BMPER: variants seen among roughly 807,000 people sequenced by gnomAD.
BMPER encodes BMP-binding endothelial regulator protein.
In BMPER, 45 loss-of-function variants were observed where a neutral mutation model predicts 87.3. The ratio of observed to expected loss-of-function variants is 0.52; its 90% CI spans 0.41 to 0.66. The LOEUF (loss-of-function observed/expected upper bound fraction) is 0.66, where lower values mean the gene tolerates loss of function less well. Among genes scored for constraint, BMPER ranks in the 30% least tolerant of loss-of-function variants. The pLI, the probability that BMPER is intolerant of heterozygous loss-of-function variation, is 0.00. For missense variants in BMPER, 784 were observed against 867.5 expected (o/e 0.90, Z 1.21); for synonymous variants, 326 against 316.2 (o/e 1.03, Z -0.33).
chr7:34,153,283 C>T lies in BMPER; in HGVS notation c.*10C>T, dbSNP rs370100096. ...TTGTCCCCAGCGGTGACCTTTGTTT[C>T]GATCCTTAAGACTCTGAAATCTGGT... On this transcript the variant is annotated 3_prime_UTR_variant, in exon 15 of 15. Coordinates refer to ENST00000649409, the MANE Select transcript of BMPER (RefSeq NM_001365308.1). 2.6e-4 allele frequency: 420 copies of T among 1,613,574 alleles called. No homozygotes were observed. The highest frequency in any genetic ancestry group is 3.2e-4 in the Non-Finnish European group (379 of 1,179,880).
At chr7:34,011,583 CAAAAAAAA>C (rs36022297) in intron 6 of BMPER, among the ~76,000 whole-genome samples, 9 of 45,758 alleles carry the variant, frequency 2.0e-4, no homozygotes, top group African/African-American at 5.3e-4. Context: ...TTGGTCAGGG[CAAAAAAAA>C]AAAAAAAAAA....
intron 14 of BMPER, among the ~76,000 whole-genome samples, chr7:34,147,040 C>A (rs1297628311): frequency 6.6e-6 from 1 of 152,192 alleles, no homozygotes; most frequent in African/African-American, 2.4e-5. Context: ...TGTCACTGCA[C>A]ATTCAGTCAT....
At chr7:33,989,711 A>G (rs1786144946) in intron 6 of BMPER, among the ~76,000 whole-genome samples, 1 of 152,138 alleles carries the variant, frequency 6.6e-6, no homozygotes, top group Non-Finnish European at 1.5e-5. Flanking sequence ...CCTGAATGGT[A>G]ATGCCTAGGT....
At chr7:34,116,777 G>A (rs1301603617) in intron 13 of BMPER, among the ~76,000 whole-genome samples, 2 of 152,094 alleles carry the variant, frequency 1.3e-5, no homozygotes. Flanking sequence ...ATCACCTGAG[G>A]TCAGGAGTTT....
At chr7:33,998,494 G>C (rs571114516) in intron 6 of BMPER, among the ~76,000 whole-genome samples, 1 of 152,242 alleles carries the variant, frequency 6.6e-6, no homozygotes, top group South Asian at 2.1e-4. Flanking sequence ...TTCCTTCTTT[G>C]GAAGGGAATA....
chr7:34,019,351 G>A (rs1381857776), intron 6 of BMPER, among the ~76,000 whole-genome samples: 1 of 152,030 alleles, frequency 6.6e-6, no homozygotes, highest in African/African-American at 2.4e-5. Context: ...AGAGGGCCAA[G>A]ATCAAGGGCT....
chr7:33,919,198 G>C (rs898069274), intron 2 of BMPER, among the ~76,000 whole-genome samples: 1 of 152,156 alleles, frequency 6.6e-6, no homozygotes, highest in African/African-American at 2.4e-5. Context: ...CTAGATTTTG[G>C]AGTTATGAAA....
chr7:34,037,046 T>C (rs529037166), intron 6 of BMPER, among the ~76,000 whole-genome samples: 1 of 152,040 alleles, frequency 6.6e-6, no homozygotes, highest in African/African-American at 2.4e-5. Context: ...CCTTTTCAAA[T>C]GGAGTTTAGT....
chr7:33,975,950 G>T (rs1039314350), intron 6 of BMPER, among the ~76,000 whole-genome samples: 24 of 152,066 alleles, frequency 1.6e-4, no homozygotes, highest in African/African-American at 5.5e-4. Flanking sequence ...AAAAAAGGAA[G>T]GGAGGGAGGA....
intron 12 of BMPER, among the ~76,000 whole-genome samples, chr7:34,082,487 C>T (rs2127975666): frequency 6.6e-6 from 1 of 152,104 alleles, no homozygotes; most frequent in African/African-American, 2.4e-5. Context: ...CAATGCAAAG[C>T]CTAGCATTGG....
chr7:33,965,746 C>T (rs759251023), intron 3 of BMPER, among the ~76,000 whole-genome samples: 4 of 152,128 alleles, frequency 2.6e-5, no homozygotes, highest in Non-Finnish European at 5.9e-5. Context: ...GCTGTGATTT[C>T]CACACTATTG....
At chr7:34,145,594 C>T (rs1334359324) in intron 14 of BMPER, among the ~76,000 whole-genome samples, 1 of 152,140 alleles carries the variant, frequency 6.6e-6, no homozygotes, top group Non-Finnish European at 1.5e-5. Flanking sequence ...ATACTCCTAG[C>T]TCCCTCTATT....
chr7:34,082,163 C>G (rs1789066799), intron 12 of BMPER, among the ~76,000 whole-genome samples: 1 of 152,078 alleles, frequency 6.6e-6, no homozygotes. Context: ...TCTGACTCTG[C>G]CAGTTATTTC....
intron 2 of BMPER, among the ~76,000 whole-genome samples, chr7:33,919,835 T>C (rs1287827151): frequency 1.3e-5 from 2 of 152,220 alleles, no homozygotes; most frequent in Admixed American, 6.5e-5. Context: ...GCCAGAGATA[T>C]TAACTCTTGT....
intron 6 of BMPER, among the ~76,000 whole-genome samples, chr7:34,006,904 A>C (rs1476152074): frequency 6.6e-6 from 1 of 152,110 alleles, no homozygotes; most frequent in Non-Finnish European, 1.5e-5. Context: ...GACAGAATGA[A>C]GGAGATTTGA....
chr7:34,079,368 A>G (rs1177052632), intron 12 of BMPER, among the ~76,000 whole-genome samples, 182 bp downstream of exon 12: 1 of 152,196 alleles, frequency 6.6e-6, no homozygotes, highest in Admixed American at 6.5e-5. Flanking sequence ...CATCCTGAAG[A>G]TGCCACAAAC....
At chr7:34,097,801 T>C (rs908789854) in intron 13 of BMPER, among the ~76,000 whole-genome samples, 2 of 152,076 alleles carry the variant, frequency 1.3e-5, no homozygotes, top group African/African-American at 2.4e-5. Context: ...CTCAAAGACT[T>C]TTTTTGAGTC....
rs778033007 is a variant in BMPER at position 33,964,355 on chromosome 7, TAGTC to T, written c.320-2117_320-2114del. Among the ~76,000 whole-genome samples, 283 of 152,340 alleles carry T rather than the reference TAGTC, an allele frequency of 1.9e-3. 2 individuals are homozygous for T. The highest frequency in any genetic ancestry group is 3.4e-3 in the Non-Finnish European group (233 of 68,022). On this transcript the variant is annotated intron_variant, in intron 3 of 14. Transcript: ENST00000649409. ...TTTCACAGATGTTTTGGAGTCTATT[TAGTC>T]AGTCAGATTCATCCATCATTTGAGA...
chr7:33,915,963 A>G (rs1231584997), intron 2 of BMPER, among the ~76,000 whole-genome samples: 4 of 152,178 alleles, frequency 2.6e-5, no homozygotes, highest in Non-Finnish European at 5.9e-5. Context: ...TCAGAATTGT[A>G]AGTTACAGCA....
Sources: gnomAD v4.1 joint callset for allele counts (sites outside exome capture counted in the v4.1 genomes callset) on GRCh38, gnomAD v4.1.1 for gene constraint, MANE v1.5 for transcripts, NCBI Gene and HGNC (gene_info 2026-07-23, HGNC 2026-07-21) for gene names.